Variants in HHLA2 observed in about 807,000 individuals in gnomAD.
The protein encoded by HHLA2 is HERV-H LTR-associating protein 2.
HHLA2 carries 48 observed loss-of-function variants against 45.9 expected under a neutral mutation model. The ratio of observed to expected loss-of-function variants is 1.05; its 90% CI spans 0.83 to 1.33. The LOEUF (loss-of-function observed/expected upper bound fraction) is 1.33. HHLA2 is among the 40% of genes most tolerant of loss of function. The probability of loss-of-function intolerance (pLI) is 0.00; values close to 1 mark genes in which losing one functional copy is unlikely to be tolerated. For missense variants in HHLA2, 462 were observed against 494.3 expected (o/e 0.93, Z 0.62); for synonymous variants, 161 against 173.9 (o/e 0.93, Z 0.59).
chr3:108,304,733 G>A lies in HHLA2; in HGVS notation c.-191-5922G>A, dbSNP rs189251404. ...CTCCCTACTAATGGTCTGTTCTGCA[G>A]ATCGCTAATCTCTCTAGATCTGGTA... is the stretch of plus-strand genomic sequence containing the variant. On this transcript the variant is annotated intron_variant, in intron 1 of 10. Transcript: ENST00000619531. Among the ~76,000 whole-genome samples, 5 of 152,278 alleles carry A rather than the reference G, an allele frequency of 3.3e-5. No homozygotes were observed. The East Asian group carries it at 9.6e-4, about 29-fold the overall frequency.
chr3:108,316,032 C>T (rs1476464759), intron 2 of HHLA2, among the ~76,000 whole-genome samples: 1 of 151,196 alleles, frequency 6.6e-6, no homozygotes. Flanking sequence ...TTTATTTACA[C>T]CCTACATGTT....
chr3:108,335,052 A>C (rs1316216146), intron 3 of HHLA2, among the ~76,000 whole-genome samples: 2 of 152,222 alleles, frequency 1.3e-5, no homozygotes, highest in Non-Finnish European at 2.9e-5. Context: ...AATTGCAATA[A>C]AAGTTTCTAG....
chr3:108,325,957 T>C, intron 2 of HHLA2: 1 of 373,204 alleles, frequency 2.7e-6, no homozygotes, highest in Non-Finnish European at 5.2e-6. Flanking sequence ...CAGGATGGTA[T>C]TTCTGAATGA....
rs368334820 is a variant in HHLA2, at chr3:108,377,203, A to G, written c.1225-55A>G. ...CTATCAATAAATATTTAAGATATAA[A>G]TGGTTATTCTGACTTGAACAACAGA... On this transcript the variant is annotated intron_variant, in intron 10 of 10. Coordinates refer to ENST00000619531, the Ensembl canonical transcript of HHLA2. The G allele has an allele frequency of 7.0e-5, 83 of 1,192,526 alleles. No individual in the cohort carries two copies. The African/African-American group carries it at 1.1e-3, about 15-fold the overall frequency. 73.9% of individuals were successfully genotyped at this position (1,192,526 alleles called of 1,614,324 possible). A position where few individuals can be genotyped will look rare whatever the true frequency, so the allele number is the denominator to read the frequency against.
intron 6 of HHLA2, among the ~76,000 whole-genome samples, chr3:108,356,281 C>T (rs1390997736): frequency 6.6e-6 from 1 of 152,100 alleles, no homozygotes; most frequent in East Asian, 1.9e-4. Context: ...CCACCCATAT[C>T]GGCCTCCCAA....
intron 1 of HHLA2, among the ~76,000 whole-genome samples, chr3:108,308,527 C>G (rs1467800848): frequency 6.6e-6 from 1 of 152,190 alleles, no homozygotes; most frequent in Non-Finnish European, 1.5e-5. Context: ...TGGGTATATA[C>G]CCAGCAGTGG....
At chr3:108,321,952 A>G (rs868624630) in intron 2 of HHLA2, among the ~76,000 whole-genome samples, 2 of 151,982 alleles carry the variant, frequency 1.3e-5, no homozygotes, top group East Asian at 1.9e-4. Context: ...TTTTTTATGA[A>G]TGTAACTTTT....
At chr3:108,350,431 G>T (rs926560102) in intron 3 of HHLA2, among the ~76,000 whole-genome samples, 1 of 152,114 alleles carries the variant, frequency 6.6e-6, no homozygotes, top group African/African-American at 2.4e-5. Context: ...ATGTAAAAAT[G>T]AAACTCTAAA....
At chr3:108,316,166 T>C (rs2081100187) in intron 2 of HHLA2, among the ~76,000 whole-genome samples, 1 of 151,692 alleles carries the variant, frequency 6.6e-6, no homozygotes, top group South Asian at 2.1e-4. Context: ...GTTGCTGTGA[T>C]AAAGTATAAT....
intron 4 of HHLA2, 136 bp from the exon 4 acceptor site, chr3:108,353,291 A>G: frequency 1.7e-6 from 1 of 585,498 alleles, no homozygotes; most frequent in South Asian, 2.5e-5. Flanking sequence ...TAATAATCAG[A>G]CAAGTGTTTT....
At chr3:108,371,338 G>GA (rs1399836564) in intron 8 of HHLA2, among the ~76,000 whole-genome samples, 2 of 152,000 alleles carry the variant, frequency 1.3e-5, no homozygotes, top group Non-Finnish European at 2.9e-5. Context: ...ACTAAACATG[G>GA]AAAAAACAAC....
intron 1 of HHLA2, among the ~76,000 whole-genome samples, chr3:108,308,780 G>A (rs1955204): frequency 0.17 from 26,389 of 151,928 alleles, 2,842 homozygotes; most frequent in East Asian, 0.53. Context: ...GCACCTTTTC[G>A]TATGCCTGTT....
At chr3:108,304,437 C>T (rs535372106) in intron 1 of HHLA2, among the ~76,000 whole-genome samples, 5 of 152,232 alleles carry the variant, frequency 3.3e-5, no homozygotes. Flanking sequence ...TGTCTTGTGT[C>T]AATATAAGTT....
At chr3:108,306,224 A>C (rs1363386994) in intron 1 of HHLA2, among the ~76,000 whole-genome samples, 3 of 152,146 alleles carry the variant, frequency 2.0e-5, no homozygotes, top group Non-Finnish European at 4.4e-5. Context: ...TATCCTTCAC[A>C]GGAATTTTCC....
chr3:108,305,003 A>G (rs2080906919), intron 1 of HHLA2, among the ~76,000 whole-genome samples: 1 of 152,192 alleles, frequency 6.6e-6, no homozygotes, highest in Non-Finnish European at 1.5e-5. Context: ...TTCCCCATTG[A>G]AGATTCTGTC....
chr3:108,352,388 C>T (rs926138056), intron 4 of HHLA2, among the ~76,000 whole-genome samples: 5 of 152,068 alleles, frequency 3.3e-5, no homozygotes, highest in Non-Finnish European at 5.9e-5. Flanking sequence ...GGAAGAGAGG[C>T]GGGACATGGT....
chr3:108,301,729 T>C (rs1313180842), intron 1 of HHLA2, among the ~76,000 whole-genome samples: 1 of 152,126 alleles, frequency 6.6e-6, no homozygotes, highest in Non-Finnish European at 1.5e-5. Context: ...TACCCCTTTC[T>C]CCCTCAACTC....
intron 3 of HHLA2, among the ~76,000 whole-genome samples, chr3:108,342,326 C>T (rs1002962347): frequency 6.8e-6 from 1 of 146,430 alleles, no homozygotes; most frequent in Non-Finnish European, 1.5e-5. Context: ...TGCAACGGCG[C>T]GCTCTCAGCT....
At chr3:108,369,809 G>T (rs1426405614) in intron 8 of HHLA2, among the ~76,000 whole-genome samples, 1 of 152,198 alleles carries the variant, frequency 6.6e-6, no homozygotes, top group East Asian at 1.9e-4. Flanking sequence ...AAACAAAGCA[G>T]CCAGGAAGCT....
Sources: allele counts gnomAD v4.1 joint callset (sites outside exome capture counted in the v4.1 genomes callset), GRCh38; gene constraint gnomAD v4.1.1; transcripts MANE v1.5; gene names NCBI Gene and HGNC (gene_info 2026-07-23, HGNC 2026-07-21).